Variants in GALNT17 observed in about 807,000 individuals in gnomAD.
GALNT17 encodes the protein UDP-GalNAc:polypeptide N-acetylgalactosaminyltransferase-like 3.
In GALNT17, 29 loss-of-function variants were observed where a neutral mutation model predicts 63.7. The observed-to-expected ratio is 0.46, with a 90% CI of 0.34 to 0.62. The LOEUF (loss-of-function observed/expected upper bound fraction) is 0.62. Ranked by LOEUF, GALNT17 falls within the 20% of genes least tolerant of loss-of-function variation. The probability of loss-of-function intolerance (pLI) is 0.01; values close to 1 mark genes in which losing one functional copy is unlikely to be tolerated. For synonymous variants in GALNT17, 305 were observed against 318.3 expected, an observed-to-expected ratio of 0.96 and a Z score of 0.45; for missense variants, 603 against 799.6, an observed-to-expected ratio of 0.75 and a Z score of 2.97.
chr7:71,302,353 A>G (rs1583843724), intron 1 of GALNT17, among the ~76,000 whole-genome samples: 1 of 152,188 alleles, frequency 6.6e-6, no homozygotes, highest in East Asian at 1.9e-4. Context: ...CAGAACCTAA[A>G]ATAAAATATT....
At chr7:71,483,238 A>T (rs1298094516) in intron 5 of GALNT17, among the ~76,000 whole-genome samples, 1 of 152,224 alleles carries the variant, frequency 6.6e-6, no homozygotes, top group South Asian at 2.1e-4. Context: ...TGGGAGGCCA[A>T]GGCAGGCGGA....
At chr7:71,413,159 T>G (rs1390782118) in intron 3 of GALNT17, among the ~76,000 whole-genome samples, 2 of 151,094 alleles carry the variant, frequency 1.3e-5, no homozygotes. Context: ...CACTTAGGTG[T>G]TTTTTGGTGT....
In GALNT17 at chr7:71,712,127, T is replaced by C; in HGVS notation, c.1778T>C (p.Ile593Thr). ...LRSCTGQRWTIKNSIK is the reference protein window; with the variant it reads ...LRSCTGQRWTTKNSIK The stretch of plus-strand genomic sequence containing the variant: ...AGCTGCACAGGTCAGAGGTGGACCA[T>C]TAAGAACTCCATCAAGTAGAGGGAG... Residue 593 changes from isoleucine (I) to threonine (T), a missense_variant, in exon 11 of 11, where the codon ATT becomes ACT. By Grantham distance (89) the Ile-to-Thr change is moderately conservative (BLOSUM62 -1). Around this residue, in one of 3 missense-constraint regions of GALNT17, gnomAD observed 72 missense variants for 76.9 expected, o/e 0.94. Transcript: ENST00000333538. The C allele has an allele frequency of 6.2e-7, 1 of 1,613,344 alleles. No homozygotes were observed. Among genetic ancestry groups the C allele is most frequent in the Non-Finnish European group, 8.5e-7 (1 of 1,179,666 alleles).
intron 5 of GALNT17, among the ~76,000 whole-genome samples, chr7:71,474,819 A>G (rs1023426901): frequency 2.0e-5 from 3 of 152,192 alleles, no homozygotes; most frequent in African/African-American, 7.2e-5. Flanking sequence ...ACGACTTTAC[A>G]GTTGTGATTC....
chr7:71,185,002 C>T (rs1306343985), intron 1 of GALNT17, among the ~76,000 whole-genome samples: 2 of 123,728 alleles, frequency 1.6e-5, no homozygotes, highest in Non-Finnish European at 3.3e-5. Context: ...CTTCCTTCTT[C>T]CTTCCCTCCC....
intron 1 of GALNT17, among the ~76,000 whole-genome samples, chr7:71,168,221 G>A (rs1276166216): frequency 1.3e-5 from 2 of 152,078 alleles, no homozygotes; most frequent in Non-Finnish European, 1.5e-5. Context: ...GCCTTGATTA[G>A]TTTTATAAGA....
chr7:71,142,345 C>G (rs1787930485), intron 1 of GALNT17, among the ~76,000 whole-genome samples: 1 of 152,122 alleles, frequency 6.6e-6, no homozygotes, highest in Non-Finnish European at 1.5e-5. Flanking sequence ...ATGTGTTTAT[C>G]TGAGCCAGAC....
chr7:71,408,211 T>G (rs1448624756), intron 3 of GALNT17, among the ~76,000 whole-genome samples: 1 of 151,930 alleles, frequency 6.6e-6, no homozygotes, highest in African/African-American at 2.4e-5. Context: ...TTTCATAAGG[T>G]CCCCAGTGAT....
At chr7:71,250,121 T>C (rs1416334199) in intron 1 of GALNT17, among the ~76,000 whole-genome samples, 1 of 152,210 alleles carries the variant, frequency 6.6e-6, no homozygotes, top group East Asian at 1.9e-4. Flanking sequence ...GACTCTCTAG[T>C]AGTACAAGTA....
intron 2 of GALNT17, among the ~76,000 whole-genome samples, chr7:71,360,923 A>G (rs1161692069): frequency 1.3e-5 from 2 of 152,198 alleles, no homozygotes; most frequent in African/African-American, 4.8e-5. Flanking sequence ...GGGTGACAGA[A>G]CAAGACGCCT....
chr7:71,398,518 TG>T (rs1793181018), intron 3 of GALNT17, among the ~76,000 whole-genome samples: 1 of 152,342 alleles, frequency 6.6e-6, no homozygotes, highest in African/African-American at 2.4e-5. Flanking sequence ...TAATATTTTT[TG>T]TTTTAACTTT....
At chr7:71,242,212 T>A (rs890028007) in intron 1 of GALNT17, among the ~76,000 whole-genome samples, 9 of 151,534 alleles carry the variant, frequency 5.9e-5, no homozygotes, top group Non-Finnish European at 1.0e-4. Flanking sequence ...CACCTTCCAC[T>A]TGGCCCACCT....
At chr7:71,242,232 G>A (rs1007577084) in intron 1 of GALNT17, among the ~76,000 whole-genome samples, 1 of 150,484 alleles carries the variant, frequency 6.6e-6, no homozygotes, top group Non-Finnish European at 1.5e-5. Context: ...TCTGCCATTA[G>A]GGATCACATT....
chr7:71,214,259 G>C (rs112774763), intron 1 of GALNT17, among the ~76,000 whole-genome samples: 240 of 152,290 alleles, frequency 1.6e-3, no homozygotes, highest in African/African-American at 5.3e-3. Flanking sequence ...TTCTGTTGCA[G>C]GTGCTGTTAA....
At chr7:71,630,169 A>G (rs1317167763) in intron 6 of GALNT17, among the ~76,000 whole-genome samples, 3 of 151,812 alleles carry the variant, frequency 2.0e-5, no homozygotes, top group African/African-American at 7.3e-5. Context: ...TGGCCTCCCA[A>G]AGGGCTGGGA....
chr7:71,500,739 G>T (rs1788167462), intron 5 of GALNT17, among the ~76,000 whole-genome samples: 1 of 151,902 alleles, frequency 6.6e-6, no homozygotes, highest in African/African-American at 2.4e-5. Context: ...AGATTCCGGG[G>T]ACCCTCACTG....
intron 3 of GALNT17, among the ~76,000 whole-genome samples, chr7:71,410,699 C>T (rs1793414471): frequency 6.6e-6 from 1 of 152,198 alleles, no homozygotes; most frequent in African/African-American, 2.4e-5. Flanking sequence ...CTGTAATGTT[C>T]TTTGCTTTAG....
intron 5 of GALNT17, among the ~76,000 whole-genome samples, chr7:71,509,479 T>G (rs921087923): frequency 6.6e-6 from 1 of 152,242 alleles, no homozygotes; most frequent in Non-Finnish European, 1.5e-5. Context: ...ATTTATAATT[T>G]GCTATCTCAT....
intron 1 of GALNT17, among the ~76,000 whole-genome samples, chr7:71,172,012 G>A (rs922401198): frequency 1.3e-5 from 2 of 152,162 alleles, no homozygotes; most frequent in African/African-American, 4.8e-5. Context: ...TCAGCTCTTG[G>A]GTTACCTGGG....
Sources: gnomAD v4.1 joint callset for allele counts (sites outside exome capture counted in the v4.1 genomes callset) on GRCh38, gnomAD v4.1.1 for gene constraint, gnomAD v4.1.1 regional missense constraint, MANE v1.5 for transcripts, NCBI Gene and HGNC (gene_info 2026-07-23, HGNC 2026-07-21) for gene names.